Variants in EPS8 observed in about 807,000 individuals in gnomAD.
EPS8 encodes the protein epidermal growth factor receptor kinase substrate 8.
Under a neutral mutation model 103.8 loss-of-function variants are expected in EPS8, and 42 were observed. The ratio of observed to expected loss-of-function variants is 0.40; its 90% CI spans 0.32 to 0.52. The LOEUF (loss-of-function observed/expected upper bound fraction) is 0.52. EPS8 is among the 20% of genes least tolerant of loss of function. The probability of loss-of-function intolerance (pLI) is 0.40; values close to 1 mark genes in which losing one functional copy is unlikely to be tolerated. For missense variants in EPS8, 969 were observed against 1,005.1 expected, an observed-to-expected ratio of 0.96 and a Z score of 0.49; for synonymous variants, 344 against 344.6, an observed-to-expected ratio of 1.00 and a Z score of 0.02.
In EPS8 at chr12:15,716,718, T is replaced by C. The variant is rs977026396; in HGVS notation, c.-21-33746A>G. 6.6e-6 allele frequency among the ~76,000 whole-genome samples: 1 copy of C among 152,212 alleles called. No homozygotes were observed. Among genetic ancestry groups the C allele is most frequent in the Non-Finnish European group, 1.5e-5 (1 of 68,042 alleles). On this transcript the variant is annotated intron_variant, in intron 1 of 20. Transcript: ENST00000281172. The surrounding 1 kb of genome is among the most constrained non-coding windows in gnomAD (Gnocchi z 5.0). ...GAGGCAGACAAAATAGGCTGTAACA[T>C]AATCTGTAAGCTAAGATCATCAGAT...
At chr12:15,755,206 A>G (rs747565397) in intron 1 of EPS8, among the ~76,000 whole-genome samples, 2 of 152,204 alleles carry the variant, frequency 1.3e-5, no homozygotes, top group African/African-American at 2.4e-5. Flanking sequence ...GTTGTTGGAA[A>G]ATCAAGTTCT....
chr12:15,692,477 T>C (rs1946188647), intron 1 of EPS8, among the ~76,000 whole-genome samples: 2 of 152,178 alleles, frequency 1.3e-5, no homozygotes, highest in Admixed American at 1.3e-4. Flanking sequence ...TCTTCATTTT[T>C]ACCCCTGATG....
At chr12:15,660,121 G>A (rs1945578617) in intron 10 of EPS8, among the ~76,000 whole-genome samples, 1 of 152,012 alleles carries the variant, frequency 6.6e-6, no homozygotes. Flanking sequence ...CACTATAGCT[G>A]ACTTATAACC....
intron 1 of EPS8, among the ~76,000 whole-genome samples, chr12:15,737,193 T>C (rs577856376): frequency 6.6e-6 from 1 of 152,188 alleles, no homozygotes; most frequent in South Asian, 2.1e-4. Flanking sequence ...ATCAATAAAT[T>C]GTAATACTAT....
chr12:15,653,336 A>C (rs1945447421), intron 13 of EPS8, among the ~76,000 whole-genome samples: 1 of 152,222 alleles, frequency 6.6e-6, no homozygotes. Flanking sequence ...CACAGCCTAC[A>C]GAACCACACT....
rs1162270867 is a variant in EPS8 at position 15,777,271 on chromosome 12, GAA to G, written c.-22+11888_-22+11889del. Among the ~76,000 whole-genome samples, 3 of 149,996 alleles carry G rather than the reference GAA, an allele frequency of 2.0e-5. No individual in the cohort carries two copies. The highest frequency in any genetic ancestry group is 2.0e-4 in the East Asian group (1 of 5,126). On this transcript the variant is annotated intron_variant, in intron 1 of 20. Transcript: ENST00000281172. The surrounding 1 kb of genome is among the most constrained non-coding windows in gnomAD (Gnocchi z 4.7). ...ATAAGGGGTACTTACAAAGCAGAAT[GAA>G]AAAAAACACACACACACACACAAAA...
Position 15,706,563 on chromosome 12 carries a change from C to T in EPS8, c.-21-23591G>A, listed in dbSNP as rs545554983. Reference sequence around the variant, plus strand: ...TGTTAGACATTTGGGCCAATATTTGCTTAATATCTGCATTTCAAAAATAAA... The same window carrying T: ...TGTTAGACATTTGGGCCAATATTTGTTTAATATCTGCATTTCAAAAATAAA... On this transcript the variant is annotated intron_variant, in intron 1 of 20. Transcript: ENST00000281172. The surrounding 1 kb of genome is among the most constrained non-coding windows in gnomAD (Gnocchi z 5.2). Among the ~76,000 whole-genome samples, 1 of 152,210 alleles carries T rather than the reference C, an allele frequency of 6.6e-6. No homozygotes were observed. The highest frequency in any genetic ancestry group is 2.4e-5 in the African/African-American group (1 of 41,552).
At chr12:15,675,487 C>T (rs1304667044) in intron 3 of EPS8, among the ~76,000 whole-genome samples, 2 of 152,164 alleles carry the variant, frequency 1.3e-5, no homozygotes, top group African/African-American at 4.8e-5. Flanking sequence ...ATAATCTCAG[C>T]TACTCAGGAG....
chr12:15,625,210 A>C (rs370451441), intron 18 of EPS8, among the ~76,000 whole-genome samples: 1 of 152,170 alleles, frequency 6.6e-6, no homozygotes, highest in East Asian at 1.9e-4. Context: ...CTGCCTTCCT[A>C]TTATGTTATA....
At chr12:15,719,591 A>C (rs531960170) in intron 1 of EPS8, among the ~76,000 whole-genome samples, 4 of 152,342 alleles carry the variant, frequency 2.6e-5, no homozygotes, top group African/African-American at 9.6e-5. Flanking sequence ...AAATTGCCAG[A>C]GGACATATCA....
At position 15,780,481 on chromosome 12, in the gene EPS8, A is replaced by ACACAC; in HGVS notation, c.-22+8679_-22+8680insGTGTG. 1.7e-5 allele frequency: 2 copies of ACACAC among 117,548 alleles called. No homozygotes were observed. Among genetic ancestry groups the ACACAC allele is most frequent in the South Asian group, 7.1e-4 (2 of 2,822 alleles). 7.3% of individuals were successfully genotyped at this position (117,548 alleles called of 1,614,324 possible). ...CTCCTTTCTGCTATGTGCTGGGATA[A>ACACAC]ACACACACACACACACACACACACA... On this transcript the variant is annotated intron_variant, in intron 1 of 20. Transcript: ENST00000281172. This position sits in a 1 kb window ranked among gnomAD's most constrained non-coding sequence, Gnocchi z 4.1.
chr12:15,641,842 A>G lies in EPS8; in HGVS notation c.1569-12T>C. 2.1e-6 allele frequency: 3 copies of G among 1,404,484 alleles called. No homozygotes were observed. Among genetic ancestry groups the G allele is most frequent in the Non-Finnish European group, 3.0e-6 (3 of 1,012,126 alleles). The allele number at this position is 1,404,484 out of a possible 1,614,324, so 87.0% of individuals were successfully genotyped here. On this transcript the variant is annotated splice_polypyrimidine_tract_variant and intron_variant, in intron 15 of 20. Coordinates refer to ENST00000281172, the MANE Select transcript of EPS8 (RefSeq NM_004447.6). Reference sequence around the variant, plus strand: ...GTGGTTCATAATTTCTATAAAAAGAAAGAAAAAAGATTATTATTCTGCTAG... The same window carrying G: ...GTGGTTCATAATTTCTATAAAAAGAGAGAAAAAAGATTATTATTCTGCTAG...
In EPS8 at chr12:15,714,862, C is replaced by T. The variant is rs1194954444; in HGVS notation, c.-21-31890G>A. ...AATAGTCAATGTCAGAAGTCAATTG[C>T]CTGGCAGAACCTATTCTACATCCAC... On this transcript the variant is annotated intron_variant, in intron 1 of 20. Coordinates refer to ENST00000281172, the MANE Select transcript of EPS8 (RefSeq NM_004447.6). This position sits in a 1 kb window ranked among gnomAD's most constrained non-coding sequence, Gnocchi z 4.1. 6.6e-6 allele frequency among the ~76,000 whole-genome samples: 1 copy of T among 152,042 alleles called. No homozygotes were observed. Among genetic ancestry groups the T allele is most frequent in the Non-Finnish European group, 1.5e-5 (1 of 67,994 alleles).
intron 1 of EPS8, among the ~76,000 whole-genome samples, chr12:15,765,237 G>T (rs1380707378): frequency 6.6e-6 from 1 of 152,146 alleles, no homozygotes; most frequent in Non-Finnish European, 1.5e-5. Context: ...CCCAAAAAGT[G>T]ATGCCTAGTA....
Position 15,721,524 on chromosome 12 carries a change from A to G in EPS8, c.-21-38552T>C, listed in dbSNP as rs1307622197. Reference sequence around the variant, plus strand: ...CGGTTCTGTGAACCAATAGATAAAAAATTTCATCTCCAAACCCCCAGGCAG... The same window carrying G: ...CGGTTCTGTGAACCAATAGATAAAAGATTTCATCTCCAAACCCCCAGGCAG... On this transcript the variant is annotated intron_variant, in intron 1 of 20. Coordinates refer to ENST00000281172, the MANE Select transcript of EPS8 (RefSeq NM_004447.6). This position sits in a 1 kb window ranked among gnomAD's most constrained non-coding sequence, Gnocchi z 4.4. Among the ~76,000 whole-genome samples the G allele has an allele frequency of 6.6e-6, 1 of 152,166 alleles. No individual in the cohort carries two copies. Among genetic ancestry groups the G allele is most frequent in the Non-Finnish European group, 1.5e-5 (1 of 68,028 alleles).
In EPS8 at chr12:15,631,538, C is replaced by T. The variant is rs754925249; in HGVS notation, c.1948G>A (p.Val650Ile). The change falls in exon 18 of 21, where the codon GTC becomes ATC. Residue 650 changes from valine (V) to isoleucine (I), a missense_variant. Physicochemically the swap from Val to Ile is conservative, Grantham distance 29 (BLOSUM62 3). Coordinates refer to ENST00000281172, the MANE Select transcript of EPS8 (RefSeq NM_004447.6). ...STPAPVPVSK[V>I]PANITRQNSS... ...TTTTGACGTGTTATATTTGCTGGGA[C>T]CTTTGACACAGGAACAGGTGCTGGA... is the stretch of plus-strand genomic sequence containing the variant. The T allele has an allele frequency of 2.5e-6, 4 of 1,613,898 alleles. No individual in the cohort carries two copies. The highest frequency in any genetic ancestry group is 1.3e-5 in the African/African-American group (1 of 74,922).
intron 6 of EPS8, among the ~76,000 whole-genome samples, chr12:15,668,963 C>T (rs928300060): frequency 6.6e-6 from 1 of 152,174 alleles, no homozygotes; most frequent in Admixed American, 6.5e-5. Context: ...GTGATTATAG[C>T]TCACTGTAAT....
chr12:15,670,968 T>G, intron 3 of EPS8, 45 bp from the exon 4 acceptor site: 1 of 1,411,118 alleles, frequency 7.1e-7, no homozygotes, highest in Non-Finnish European at 1.0e-6. Flanking sequence ...CCTAATAGAC[T>G]GAAGTTCATA....
rs1947053845 is a variant in EPS8, at chr12:15,762,649, T to A, written c.-22+26512A>T. 6.6e-6 allele frequency among the ~76,000 whole-genome samples: 1 copy of A among 152,272 alleles called. No individual in the cohort carries two copies. Among genetic ancestry groups the A allele is most frequent in the Non-Finnish European group, 1.5e-5 (1 of 68,016 alleles). Reference sequence around the variant, plus strand: ...ACAATACAGGTGGAACTGGAAGTCATTACGTTAAGTGAAATAAGCCAGGCA... The same window carrying A: ...ACAATACAGGTGGAACTGGAAGTCAATACGTTAAGTGAAATAAGCCAGGCA... On this transcript the variant is annotated intron_variant, in intron 1 of 20. Coordinates refer to ENST00000281172, the MANE Select transcript of EPS8 (RefSeq NM_004447.6). The surrounding 1 kb of genome is among the most constrained non-coding windows in gnomAD (Gnocchi z 4.8).
Sources: allele counts gnomAD v4.1 joint callset (sites outside exome capture counted in the v4.1 genomes callset), GRCh38; gene constraint gnomAD v4.1.1; non-coding constraint Gnocchi (gnomAD v3.1); transcripts MANE v1.5; gene names NCBI Gene and HGNC (gene_info 2026-07-23, HGNC 2026-07-21).